The following CSMD1 variants were observed in gnomAD, a reference collection of about 807,000 sequenced individuals.
CSMD1 encodes the protein CUB and Sushi multiple domains 1.
Under a neutral mutation model 417.5 loss-of-function variants are expected in CSMD1, and 213 were observed. That is an observed-to-expected ratio of 0.51 (90% CI 0.46 to 0.57). The LOEUF (loss-of-function observed/expected upper bound fraction) is 0.57, where lower values mean the gene tolerates loss of function less well. CSMD1 is among the 20% of genes least tolerant of loss of function. The pLI, the probability that CSMD1 is intolerant of heterozygous loss-of-function variation, is 0.00. For synonymous variants in CSMD1, 2,862 were observed against 1,736.8 expected, an observed-to-expected ratio of 1.65 and a Z score of -16.11; for missense variants, 6,923 against 4,529.7, an observed-to-expected ratio of 1.53 and a Z score of -15.17.
At chr8:3,098,338 G>A (rs888896437) in intron 46 of CSMD1, among the ~76,000 whole-genome samples, 10 of 152,160 alleles carry the variant, frequency 6.6e-5, no homozygotes, top group Non-Finnish European at 1.0e-4. Flanking sequence ...ACAGATGAGC[G>A]AAGCTTATGA....
At chr8:4,734,810 C>T (rs546735924) in intron 1 of CSMD1, among the ~76,000 whole-genome samples, 34 of 152,224 alleles carry the variant, frequency 2.2e-4, no homozygotes, top group Admixed American at 2.0e-3. Flanking sequence ...TCTCAAGGAC[C>T]TGGGTATTTT....
intron 1 of CSMD1, among the ~76,000 whole-genome samples, chr8:4,662,332 G>A (rs1804658154): frequency 6.6e-6 from 1 of 152,168 alleles, no homozygotes. Flanking sequence ...GGAAATGAGG[G>A]AAAGCAGAGG....
intron 3 of CSMD1, among the ~76,000 whole-genome samples, chr8:4,244,837 CCTT>C (rs1394882658): frequency 6.6e-6 from 1 of 152,074 alleles, no homozygotes; most frequent in Non-Finnish European, 1.5e-5. Context: ...GTTCTGACCT[CCTT>C]CTGGTGTCAT....
intron 5 of CSMD1, among the ~76,000 whole-genome samples, chr8:3,880,057 CT>C (rs143414158): frequency 0.23 from 34,877 of 148,970 alleles, 5,283 homozygotes; most frequent in African/African-American, 0.44. Context: ...AAAAGATTTT[CT>C]TTTTTTTTTG....
intron 11 of CSMD1, among the ~76,000 whole-genome samples, chr8:3,489,825 C>A (rs1323251433): frequency 6.6e-6 from 1 of 152,164 alleles, no homozygotes; most frequent in African/African-American, 2.4e-5. Flanking sequence ...AACTAGAATT[C>A]CATATTTCCC....
Position 4,630,939 on chromosome 8 carries a change from C to T in CSMD1, c.302+6403G>A, listed in dbSNP as rs919313010. On this transcript the variant is annotated intron_variant, in intron 2 of 69. Transcript: ENST00000635120. The stretch of plus-strand genomic sequence containing the variant: ...CCCAGTCCTGACTGCACGGCTGCCC[C>T]AGTGCCATCAATAAGAAGTCAAAAC... Among the ~76,000 whole-genome samples, 3 of 152,158 alleles carry T rather than the reference C, an allele frequency of 2.0e-5. No homozygotes were observed. The East Asian group carries it at 5.8e-4, about 29-fold the overall frequency.
intron 3 of CSMD1, among the ~76,000 whole-genome samples, chr8:4,272,742 C>G (rs761906457): frequency 1.3e-5 from 2 of 152,066 alleles, no homozygotes; most frequent in South Asian, 2.1e-4. Flanking sequence ...ATTTTTCATT[C>G]TGTAATTCTT....
At chr8:3,559,928 G>T (rs1799397244) in intron 10 of CSMD1, among the ~76,000 whole-genome samples, 1 of 152,130 alleles carries the variant, frequency 6.6e-6, no homozygotes, top group African/African-American at 2.4e-5. Context: ...AGGAATTATT[G>T]CTCAGCTGGA....
At chr8:4,419,282 G>A (rs1344116642) in intron 3 of CSMD1, among the ~76,000 whole-genome samples, 1 of 152,080 alleles carries the variant, frequency 6.6e-6, no homozygotes, top group South Asian at 2.1e-4. Flanking sequence ...AACAAAAGTA[G>A]ACACACATCG....
intron 6 of CSMD1, among the ~76,000 whole-genome samples, chr8:3,742,318 G>C (rs1311934861): frequency 6.6e-6 from 1 of 152,096 alleles, no homozygotes; most frequent in African/African-American, 2.4e-5. Flanking sequence ...CTGGTATCCA[G>C]GGAGACAGTC....
chr8:4,183,813 T>C (rs745772450), intron 3 of CSMD1, among the ~76,000 whole-genome samples: 1 of 152,214 alleles, frequency 6.6e-6, no homozygotes, highest in Non-Finnish European at 1.5e-5. Flanking sequence ...CTGTAAGTAC[T>C]TATTAAATGT....
intron 3 of CSMD1, among the ~76,000 whole-genome samples, chr8:4,311,637 T>G (rs1262567907): frequency 6.7e-6 from 1 of 150,254 alleles, no homozygotes; most frequent in African/African-American, 2.5e-5. Context: ...ACAGGAGAAT[T>G]GCTTGAACCT....
At chr8:3,602,534 A>G (rs1297018090) in intron 8 of CSMD1, among the ~76,000 whole-genome samples, 1 of 152,166 alleles carries the variant, frequency 6.6e-6, no homozygotes. Flanking sequence ...ATGATCTCAC[A>G]GGCTTCTTTT....
intron 1 of CSMD1, among the ~76,000 whole-genome samples, chr8:4,714,074 G>T (rs980710822): frequency 6.6e-6 from 1 of 152,082 alleles, no homozygotes; most frequent in African/African-American, 2.4e-5. Context: ...GAACCCGGGA[G>T]ACAGAGGTTG....
chr8:3,707,324 T>C (rs1282431705), intron 7 of CSMD1, among the ~76,000 whole-genome samples: 3 of 151,868 alleles, frequency 2.0e-5, no homozygotes, highest in Admixed American at 2.0e-4. Context: ...CCCGAGAGGG[T>C]TCAGATGTCC....
At chr8:3,591,906 A>T (rs1800864731) in intron 8 of CSMD1, among the ~76,000 whole-genome samples, 2 of 152,180 alleles carry the variant, frequency 1.3e-5, no homozygotes, top group Admixed American at 6.5e-5. Context: ...GGATGGAGGA[A>T]TATATGGATT....
chr8:4,764,859 C>T (rs74808435), intron 1 of CSMD1, among the ~76,000 whole-genome samples: 23,554 of 109,740 alleles, frequency 0.21, 2,405 homozygotes, highest in Middle Eastern at 0.31. Flanking sequence ...GGCGACAGAG[C>T]GAGACTCCAT....
At chr8:3,966,035 C>A (rs150805657) in intron 5 of CSMD1, among the ~76,000 whole-genome samples, 116 of 152,288 alleles carry the variant, frequency 7.6e-4, no homozygotes, top group African/African-American at 2.7e-3. Flanking sequence ...GCAGAAGACA[C>A]TGGTGAGAGA....
At chr8:4,622,909 A>G (rs1801864674) in intron 2 of CSMD1, among the ~76,000 whole-genome samples, 1 of 152,178 alleles carries the variant, frequency 6.6e-6, no homozygotes. Context: ...TGAATTTAGG[A>G]AGGTCACGGA....
Sources: gnomAD v4.1 joint callset for allele counts (sites outside exome capture counted in the v4.1 genomes callset) on GRCh38, gnomAD v4.1.1 for gene constraint, MANE v1.5 for transcripts, NCBI Gene and HGNC (gene_info 2026-07-23, HGNC 2026-07-21) for gene names.